PDE11A: variants seen among roughly 807,000 people sequenced by gnomAD.
PDE11A encodes the protein dual 3',5'-cyclic-AMP and -GMP phosphodiesterase 11A.
In PDE11A, 100 loss-of-function variants were observed where a neutral mutation model predicts 100.5. That is an observed-to-expected ratio of 1.00 (90% CI 0.85 to 1.18). PDE11A has a LOEUF of 1.18. Among genes scored for constraint, PDE11A ranks in the 50% most tolerant of loss-of-function variants. The pLI is 0.00. For synonymous variants in PDE11A, 381 were observed against 420.8 expected (o/e 0.91, Z 1.16); for missense variants, 1,141 against 1,152.6 (o/e 0.99, Z 0.15).
chr2:177,750,282 T>G (rs2082008380), intron 10 of PDE11A, among the ~76,000 whole-genome samples: 1 of 152,174 alleles, frequency 6.6e-6, no homozygotes, highest in Admixed American at 6.5e-5. Flanking sequence ...CAGCAACAAA[T>G]TTTCTTTTCA....
At position 177,680,760 on chromosome 2, in the gene PDE11A, C is replaced by T. The variant is rs1487002956; in HGVS notation, c.2423+66G>A. 35 of 874,178 alleles carry T rather than the reference C, an allele frequency of 4.0e-5. No homozygotes were observed. The East Asian group carries it at 7.0e-4, about 18-fold the overall frequency. 54.2% of individuals were successfully genotyped at this position (874,178 alleles called of 1,614,324 possible). A position where few individuals can be genotyped will look rare whatever the true frequency, so the allele number is the denominator to read the frequency against. ...ATCACTTCTATGCTCTTAGTACTGT[C>T]AGAAAATTTATGTGGACTAAATGTC... On this transcript the variant is annotated intron_variant, in intron 16 of 19. Coordinates refer to ENST00000286063, the MANE Select transcript of PDE11A (RefSeq NM_016953.4).
chr2:178,096,174 T>C lies in PDE11A; in HGVS notation c.162+8128A>G, dbSNP rs569092982. Reference sequence around the variant, plus strand: ...ACAGGTTTTTCTTTTCTTTTCTTTTTTTTTTTTGAGATGGAGTCTCGCTCT... The same window carrying C: ...ACAGGTTTTTCTTTTCTTTTCTTTTCTTTTTTTGAGATGGAGTCTCGCTCT... On this transcript the variant is annotated intron_variant, in intron 2 of 20. Coordinates refer to the PDE11A transcript ENST00000358450. Among the ~76,000 whole-genome samples, 345 of 139,484 alleles carry C rather than the reference T, an allele frequency of 2.5e-3. 13 individuals are homozygous for C. The highest frequency in any genetic ancestry group is 3.3e-3 in the Non-Finnish European group (206 of 62,650). 91.5% of individuals were successfully genotyped at this position (139,484 alleles called of 152,430 possible). A position where few individuals can be genotyped will look rare whatever the true frequency, so the allele number is the denominator to read the frequency against.
intron 10 of PDE11A, among the ~76,000 whole-genome samples, chr2:177,744,019 C>T (rs1030367689): frequency 2.0e-5 from 3 of 152,324 alleles, no homozygotes; most frequent in Admixed American, 2.0e-4. Flanking sequence ...CCCCTCCTCT[C>T]CTCCTCTGCC....
At chr2:177,790,375 T>C (rs897071913) in intron 9 of PDE11A, among the ~76,000 whole-genome samples, 2 of 151,550 alleles carry the variant, frequency 1.3e-5, no homozygotes, top group African/African-American at 4.9e-5. Context: ...TTACACCTTA[T>C]ACAAAAATTA....
intron 2 of PDE11A, among the ~76,000 whole-genome samples, chr2:177,955,606 GC>G (rs1296352883): frequency 6.6e-6 from 1 of 152,040 alleles, no homozygotes; most frequent in Non-Finnish European, 1.5e-5. Context: ...CTAACAAGGG[GC>G]TGGTCCACAA....
At chr2:178,078,252 C>T (rs975902380) in intron 2 of PDE11A, among the ~76,000 whole-genome samples, 2 of 152,088 alleles carry the variant, frequency 1.3e-5, no homozygotes, top group Non-Finnish European at 2.9e-5. Flanking sequence ...TTTCCTGCTT[C>T]CCCAGTAAAA....
intron 2 of PDE11A, among the ~76,000 whole-genome samples, chr2:177,977,846 T>C (rs2085830088): frequency 8.4e-6 from 1 of 119,544 alleles, no homozygotes; most frequent in Non-Finnish European, 1.8e-5. Flanking sequence ...ATTTAATAAA[T>C]GGTGCTGGGA....
chr2:178,099,064 G>A (rs529813255), intron 2 of PDE11A, among the ~76,000 whole-genome samples: 8 of 152,262 alleles, frequency 5.3e-5, no homozygotes, highest in African/African-American at 1.7e-4. Flanking sequence ...AAATGCAAGT[G>A]GTGCTTCAAT....
At chr2:178,009,478 C>T (rs1434839271) in intron 2 of PDE11A, among the ~76,000 whole-genome samples, 1 of 152,134 alleles carries the variant, frequency 6.6e-6, no homozygotes, top group Non-Finnish European at 1.5e-5. Flanking sequence ...CTCACCACTG[C>T]TGATAAAATT....
Position 178,062,841 on chromosome 2 carries a change from A to G in PDE11A, c.912+8685T>C, listed in dbSNP as rs562912428. ...GTATTAAAAGTATCATCATTTCCAA[A>G]CACAAAAACATAAAGAAAGCCTATG... On this transcript the variant is annotated intron_variant, in intron 1 of 19. Transcript: ENST00000286063. Among the ~76,000 whole-genome samples, 11 of 152,344 alleles carry G rather than the reference A, an allele frequency of 7.2e-5. No homozygotes were observed. In the South Asian group the frequency reaches 2.3e-3, roughly 32 times the overall value.
chr2:177,908,519 T>C (rs529556837), intron 2 of PDE11A, among the ~76,000 whole-genome samples: 9 of 151,960 alleles, frequency 5.9e-5, no homozygotes, highest in African/African-American at 1.9e-4. Context: ...CTCTTGGTAG[T>C]GAAAGGGAGG....
intron 4 of PDE11A, among the ~76,000 whole-genome samples, chr2:177,895,369 A>G (rs2084594499): frequency 6.6e-6 from 1 of 152,158 alleles, no homozygotes; most frequent in South Asian, 2.1e-4. Flanking sequence ...CCTGGCCAAC[A>G]TGGCGAAACT....
intron 13 of PDE11A, among the ~76,000 whole-genome samples, chr2:177,701,458 T>C (rs1044656056): frequency 2.6e-5 from 4 of 152,138 alleles, no homozygotes; most frequent in Admixed American, 6.5e-5. Context: ...TTTGATGAAT[T>C]TGACACAGTC....
At chr2:177,853,323 A>C (rs1169499913) in intron 5 of PDE11A, among the ~76,000 whole-genome samples, 8 of 152,086 alleles carry the variant, frequency 5.3e-5, no homozygotes, top group Non-Finnish European at 1.5e-5. Context: ...GAAGGCTCTC[A>C]ATAAATACCG....
intron 10 of PDE11A, among the ~76,000 whole-genome samples, chr2:177,758,878 A>G (rs1362920157): frequency 1.3e-5 from 2 of 152,238 alleles, no homozygotes; most frequent in Admixed American, 1.3e-4. Context: ...TAAGCTGTCC[A>G]TGTCACTAAC....
intron 9 of PDE11A, among the ~76,000 whole-genome samples, chr2:177,780,709 C>T (rs2082442593): frequency 6.6e-6 from 1 of 152,226 alleles, no homozygotes; most frequent in Non-Finnish European, 1.5e-5. Flanking sequence ...TTGGAGATGG[C>T]TTCTTCCCTT....
intron 19 of PDE11A, among the ~76,000 whole-genome samples, chr2:177,637,997 A>ATATAT (rs1433320166): frequency 1.1e-4 from 12 of 106,534 alleles, no homozygotes; most frequent in African/African-American, 4.9e-4. Context: ...ATATATATAT[A>ATATAT]TTTTTTTTTT....
intron 2 of PDE11A, among the ~76,000 whole-genome samples, chr2:177,945,566 G>A (rs1276472937): frequency 2.0e-5 from 3 of 151,000 alleles, no homozygotes; most frequent in African/African-American, 7.3e-5. Context: ...TGAGAAGTGA[G>A]GAGACCCTCT....
At chr2:177,716,986 G>T (rs1007581017) in intron 12 of PDE11A, among the ~76,000 whole-genome samples, 5 of 152,048 alleles carry the variant, frequency 3.3e-5, no homozygotes, top group African/African-American at 1.2e-4. Context: ...CTAGCATCTT[G>T]GTCTTAAACT....
Sources: gnomAD v4.1 joint callset for allele counts (sites outside exome capture counted in the v4.1 genomes callset) on GRCh38, gnomAD v4.1.1 for gene constraint, MANE v1.5 for transcripts, NCBI Gene and HGNC (gene_info 2026-07-23, HGNC 2026-07-21) for gene names.